The following THAP7 variants were observed in gnomAD, a reference collection of about 807,000 sequenced individuals.
THAP7 encodes THAP domain-containing protein 7.
THAP7 carries 22 observed loss-of-function variants against 29.2 expected under a neutral mutation model. The observed-to-expected ratio is 0.75, with a 90% CI of 0.54 to 1.08. The LOEUF is 1.08. THAP7 is among the 50% of genes least tolerant of loss of function. The pLI, the probability that THAP7 is intolerant of heterozygous loss-of-function variation, is 0.00. For missense variants in THAP7, 448 were observed against 416.2 expected (o/e 1.08, Z -0.66); for synonymous variants, 208 against 173.4 (o/e 1.20, Z -1.57).
At position 21,000,169 on chromosome 22, in the gene THAP7, T is replaced by C. The variant is rs1363415042; in HGVS notation, c.641A>G (p.Tyr214Cys). The change falls in exon 4 of 4, where the codon TAT (tyrosine) becomes TGT (cysteine). Residue 214 changes from tyrosine (Y) to cysteine (C), a missense_variant. By Grantham distance (194) the Tyr-to-Cys change is radical. Transcript: ENST00000215742. ...GGCGGGTGGGGGCAGGCGCAGCATATACGCTGAGGGGGAGACTGGCCGTGG... is the reference window on the plus strand; with the variant it reads ...GGCGGGTGGGGGCAGGCGCAGCATACACGCTGAGGGGGAGACTGGCCGTGG... ...LEPRPVSPSA[Y>C]MLRLPPPAGA... 6.3e-7 allele frequency: 1 copy of C among 1,576,638 alleles called. No individual in the cohort carries two copies. The highest frequency in any genetic ancestry group is 1.9e-5 in the Admixed American group (1 of 53,598).
rs2147977287 is a variant in THAP7, at chr22:21,002,062, T to C, written c.-151A>G. ...CCCAACCCCGTCCCAGCCGATTCTCTTGACTTCTGTCAGCGGCACTCACGC... is the reference window on the plus strand; with the variant it reads ...CCCAACCCCGTCCCAGCCGATTCTCCTGACTTCTGTCAGCGGCACTCACGC... On this transcript the variant is annotated 5_prime_UTR_variant, in exon 1 of 4. Coordinates refer to ENST00000215742, the MANE Select transcript of THAP7 (RefSeq NM_030573.3). 3 of 686,230 alleles carry C rather than the reference T, an allele frequency of 4.4e-6. No homozygotes were observed. The highest frequency in any genetic ancestry group is 6.9e-6 in the Non-Finnish European group (3 of 432,332). 42.5% of individuals were successfully genotyped at this position (686,230 alleles called of 1,614,324 possible). A position where few individuals can be genotyped will look rare whatever the true frequency, so the allele number is the denominator to read the frequency against.
chr22:21,000,823 A>G, intron 2 of THAP7, 36 bp from the exon 3 acceptor site: 2 of 1,612,150 alleles, frequency 1.2e-6, no homozygotes, highest in Non-Finnish European at 1.7e-6. Flanking sequence ...GCTGGAGAGC[A>G]AGTGCTGCCT....
At chr22:21,000,886 G>C in intron 2 of THAP7, 99 bp from the exon 3 acceptor site, 1 of 1,556,128 alleles carries the variant, frequency 6.4e-7, no homozygotes, top group African/African-American at 1.4e-5. Context: ...GGAAGGCATC[G>C]TGCAAACAAT....
rs905429408 is a variant in THAP7 at position 20,999,705 on chromosome 22, A to G, written c.*175T>C. ...ACTGAGCCCTCTAGGAGCTGCAGCCACTGTCTGGGGCAGCAAGCTTAGTAC... is the reference window on the plus strand; with the variant it reads ...ACTGAGCCCTCTAGGAGCTGCAGCCGCTGTCTGGGGCAGCAAGCTTAGTAC... On this transcript the variant is annotated 3_prime_UTR_variant, in exon 4 of 4. Transcript: ENST00000215742. 6 of 723,794 alleles carry G rather than the reference A, an allele frequency of 8.3e-6. No homozygotes were observed. Among genetic ancestry groups the G allele is most frequent in the Non-Finnish European group, 1.3e-5 (6 of 451,836 alleles). The allele number at this position is 723,794 out of a possible 1,614,324, so 44.8% of individuals were successfully genotyped here. A position where few individuals can be genotyped will look rare whatever the true frequency, so the allele number is the denominator to read the frequency against.
rs1164091758 is a variant in THAP7 at position 21,002,116 on chromosome 22, C to G, written c.-205G>C. On this transcript the variant is annotated 5_prime_UTR_variant, in exon 1 of 4. Coordinates refer to ENST00000215742, the MANE Select transcript of THAP7 (RefSeq NM_030573.3). Reference sequence around the variant, plus strand: ...GGCCATTGCTGCGCCGCCGAAGTCTCGCGAGGGGTAGCGCGCGCCGGAAGT... The same window carrying G: ...GGCCATTGCTGCGCCGCCGAAGTCTGGCGAGGGGTAGCGCGCGCCGGAAGT... 3 of 556,810 alleles carry G rather than the reference C, an allele frequency of 5.4e-6. No individual in the cohort carries two copies. The highest frequency in any genetic ancestry group is 3.4e-5 in the East Asian group (1 of 29,706). The allele number at this position is 556,810 out of a possible 1,614,324, so 34.5% of individuals were successfully genotyped here.
intron 1 of THAP7, 67 bp from the exon 2 acceptor site, chr22:21,001,478 C>A: frequency 4.5e-6 from 7 of 1,558,256 alleles, no homozygotes; most frequent in Non-Finnish European, 6.1e-6. Flanking sequence ...CCCAAGCACC[C>A]CAGAGGGGAA....
Position 21,000,441 on chromosome 22 carries a change from G to C in THAP7, c.378-9C>G, listed in dbSNP as rs1925095311. On this transcript the variant is annotated splice_polypyrimidine_tract_variant and intron_variant, in intron 3 of 3. Coordinates refer to ENST00000215742, the MANE Select transcript of THAP7 (RefSeq NM_030573.3). ...CTCGGCCCTCGGAGCAGCTGGTAAG[G>C]GGGAAGAGAGAGACTGATGGGCTAG... is the stretch of plus-strand genomic sequence containing the variant. The C allele has an allele frequency of 4.5e-6, 7 of 1,547,052 alleles. No individual in the cohort carries two copies. Among genetic ancestry groups the C allele is most frequent in the Admixed American group, 2.0e-5 (1 of 50,486 alleles).
At chr22:21,000,897 A>G in intron 2 of THAP7, 110 bp from the exon 3 acceptor site, 1 of 1,519,544 alleles carries the variant, frequency 6.6e-7, no homozygotes, top group Non-Finnish European at 9.0e-7. Context: ...TGCAAACAAT[A>G]CGTCTGGGGA....
chr22:21,000,114 G>A lies in THAP7; in HGVS notation c.696C>T (p.Tyr232=), dbSNP rs1569159991. Residue 232 remains tyrosine, a synonymous_variant, in exon 4 of 4, where the codon TAC becomes TAT. Transcript: ENST00000215742. ...AGAYIQNEHS[Y]QVGSALLWKR... ...TCCAGAGTAAGGCGCTGCCCACCTGGTAGCTGTGTTCATTCTGGATGTAGG... is the reference window on the plus strand; with the variant it reads ...TCCAGAGTAAGGCGCTGCCCACCTGATAGCTGTGTTCATTCTGGATGTAGG... The A allele has an allele frequency of 3.7e-6, 6 of 1,611,430 alleles. No individual in the cohort carries two copies. The highest frequency in any genetic ancestry group is 1.1e-5 in the South Asian group (1 of 90,830).
Position 21,001,891 on chromosome 22 carries a change from G to C in THAP7, c.21C>G (p.Ala7=). ...GCGTGTCCCGTGTGCAGCAGCCGGCGGCGGAGCAGTGACGCGGCATCTGGG... is the reference window on the plus strand; with the variant it reads ...GCGTGTCCCGTGTGCAGCAGCCGGCCGCGGAGCAGTGACGCGGCATCTGGG... MPRHCS[A]AGCCTRDTRE... Residue 7 remains alanine (A), a synonymous_variant, in exon 1 of 4, where the codon GCC becomes GCG. Coordinates refer to ENST00000215742, the MANE Select transcript of THAP7 (RefSeq NM_030573.3). 6.4e-7 allele frequency: 1 copy of C among 1,573,120 alleles called. No individual in the cohort carries two copies. The highest frequency in any genetic ancestry group is 1.2e-5 in the South Asian group (1 of 85,784).
At position 20,999,338 on chromosome 22, in the gene THAP7, T is replaced by TA. The variant is rs1925015401; in HGVS notation, c.*541dup. 1 of 152,882 alleles carries TA rather than the reference T, an allele frequency of 6.5e-6. No homozygotes were observed. Among genetic ancestry groups the TA allele is most frequent in the African/African-American group, 2.4e-5 (1 of 41,408 alleles). The allele number at this position is 152,882 out of a possible 1,614,324, so 9.5% of individuals were successfully genotyped here. A position where few individuals can be genotyped will look rare whatever the true frequency, so the allele number is the denominator to read the frequency against. On this transcript the variant is annotated 3_prime_UTR_variant, in exon 4 of 4. Transcript: ENST00000215742. ...GTCATCATCATCCCCGTTTTTCAAA[T>TA]AGAGATGGTAGTGAAGGGGGCGGGG...
At position 21,000,051 on chromosome 22, in the gene THAP7, C is replaced by T. The variant is rs376570367; in HGVS notation, c.759G>A (p.Lys253=). The T allele has an allele frequency of 1.1e-4, 172 of 1,613,006 alleles. 1 individual carries two copies. The East Asian group carries it at 3.6e-3, about 34-fold the overall frequency. ...RAEAALDALD[K]AQRQLQACKR... is the part of the protein sequence containing the mutation. ...TGCAGGCCTGCAGCTGGCGCTGGGCCTTGTCAAGGGCATCAAGGGCTGCCT... is the reference window on the plus strand; with the variant it reads ...TGCAGGCCTGCAGCTGGCGCTGGGCTTTGTCAAGGGCATCAAGGGCTGCCT... Residue 253 remains lysine (K), a synonymous_variant, in exon 4 of 4, where the codon AAG becomes AAA. Transcript: ENST00000215742.
In THAP7 at chr22:21,001,864, G is replaced by A. The variant is rs370802090; in HGVS notation, c.48C>T (p.Arg16=). 269 of 1,567,914 alleles carry A rather than the reference G, an allele frequency of 1.7e-4. 1 individual carries two copies. The highest frequency in any genetic ancestry group is 1.7e-4 in the Middle Eastern group (1 of 6,012). Residue 16 remains arginine (R), a synonymous_variant, in exon 1 of 4, where the codon CGC becomes CGT. Transcript: ENST00000215742. Reference sequence around the variant, plus strand: ...AGGAGATGCCGCGGTTGCGCGTCTCGCGCGTGTCCCGTGTGCAGCAGCCGG... The same window carrying A: ...AGGAGATGCCGCGGTTGCGCGTCTCACGCGTGTCCCGTGTGCAGCAGCCGG... ...SAAGCCTRDT[R]ETRNRGISFH... is the part of the protein sequence containing the mutation.
At chr22:21,000,863 G>GC (rs1329868078) in intron 2 of THAP7, 76 bp from the exon 3 acceptor site, 1 of 1,590,324 alleles carries the variant, frequency 6.3e-7, no homozygotes, top group Admixed American at 1.7e-5. Flanking sequence ...CAGCAGCAGC[G>GC]CCGTGGGATG....
chr22:21,001,775 C>T (rs1925182764), intron 1 of THAP7, 57 bp downstream of exon 1: 2 of 1,512,938 alleles, frequency 1.3e-6, no homozygotes, highest in East Asian at 2.5e-5. Flanking sequence ...AGTTGCGACC[C>T]GAGGCGAGCA....
At position 21,000,074 on chromosome 22, in the gene THAP7, C is replaced by T. The variant is rs1601726416; in HGVS notation, c.736G>A (p.Ala246Thr). The change falls in exon 4 of 4, where the codon GCA becomes ACA. Residue 246 changes from alanine to threonine, a missense_variant. Transcript: ENST00000215742. ...SALLWKRRAE[A>T]ALDALDKAQR... ...GCCTTGTCAAGGGCATCAAGGGCTG[C>T]CTCGGCTCGCCGCTTCCAGAGTAAG... The T allele has an allele frequency of 1.9e-6, 3 of 1,612,824 alleles. No homozygotes were observed. Among genetic ancestry groups the T allele is most frequent in the East Asian group, 4.5e-5 (2 of 44,882 alleles).
Position 21,002,086 on chromosome 22 carries a change from G to A in THAP7, c.-175C>T, listed in dbSNP as rs747564327. 157 of 615,768 alleles carry A rather than the reference G, an allele frequency of 2.5e-4. No individual in the cohort carries two copies. Among genetic ancestry groups the A allele is most frequent in the Non-Finnish European group, 3.6e-4 (133 of 370,524 alleles). The allele number at this position is 615,768 out of a possible 1,614,324, so 38.1% of individuals were successfully genotyped here. ...CTTGACTTCTGTCAGCGGCACTCAC[G>A]CTCTGGCCATTGCTGCGCCGCCGAA... On this transcript the variant is annotated 5_prime_UTR_variant, in exon 1 of 4. Transcript: ENST00000215742.
intron 1 of THAP7, 139 bp from the exon 2 acceptor site, chr22:21,001,550 G>T: frequency 1.5e-6 from 2 of 1,325,004 alleles, no homozygotes; most frequent in South Asian, 1.4e-5. Flanking sequence ...AAGCACCACC[G>T]CCCGGGCACA....
rs1357780359 is a variant in THAP7 at position 21,002,020 on chromosome 22, C to A, written c.-109G>T. ...AAGGGGCTCTGGCCTGTCGGGTCCCCCCCGGCCCGTTGTCGCCCCAACCCC... is the reference window on the plus strand; with the variant it reads ...AAGGGGCTCTGGCCTGTCGGGTCCCACCCGGCCCGTTGTCGCCCCAACCCC... On this transcript the variant is annotated 5_prime_UTR_variant, in exon 1 of 4. Coordinates refer to ENST00000215742, the MANE Select transcript of THAP7 (RefSeq NM_030573.3). 3.6e-6 allele frequency: 4 copies of A among 1,125,462 alleles called. No homozygotes were observed. The highest frequency in any genetic ancestry group is 3.7e-6 in the Non-Finnish European group (3 of 821,546). The allele number at this position is 1,125,462 out of a possible 1,614,324, so 69.7% of individuals were successfully genotyped here.
Sources: allele counts gnomAD v4.1 joint callset, GRCh38; gene constraint gnomAD v4.1.1; transcripts MANE v1.5; gene names NCBI Gene and HGNC (gene_info 2026-07-23, HGNC 2026-07-21).